Variants in CUL2 observed in about 807,000 individuals in gnomAD.
CUL2 encodes cullin-2.
Under a neutral mutation model 110.2 loss-of-function variants are expected in CUL2, and 22 were observed. The observed-to-expected ratio is 0.20, with a 90% CI of 0.14 to 0.28. The LOEUF is 0.28. CUL2 is among the 10% of genes least tolerant of loss of function. CUL2 has a pLI of 1.00. For synonymous variants in CUL2, 279 were observed against 293.2 expected, an observed-to-expected ratio of 0.95 and a Z score of 0.49; for missense variants, 631 against 905.5, an observed-to-expected ratio of 0.70 and a Z score of 3.89.
intron 3 of CUL2, among the ~76,000 whole-genome samples, chr10:35,061,777 T>G (rs899894253): frequency 6.6e-6 from 1 of 151,500 alleles, no homozygotes; most frequent in African/African-American, 2.4e-5. Context: ...GGGTTTTTTT[T>G]TTTTTTTTTT....
chr10:35,064,871 T>A (rs2086477506), intron 2 of CUL2, among the ~76,000 whole-genome samples: 1 of 152,130 alleles, frequency 6.6e-6, no homozygotes, highest in Admixed American at 6.5e-5. Context: ...AAACAAAATC[T>A]ACTGGAAGGA....
chr10:35,032,493 G>C lies in CUL2; in HGVS notation c.1112C>G (p.Ala371Gly), dbSNP rs2085502942. ...DQHFMSALDK[A>G]LTSVVNYREP... is the part of the protein sequence containing the mutation. ...TCTGTAATTTACAACTGACGTAAGG[G>C]CCTGAATAAAAAAACACGCCATAAT... The change falls in exon 12 of 21, where the codon GCC becomes GGC. Residue 371 changes from alanine (A) to glycine (G), a missense_variant and splice_region_variant. Around this residue, in one of 3 missense-constraint regions of CUL2, gnomAD observed 134 missense variants for 260.4 expected, o/e 0.51. Transcript: ENST00000374749. 6.3e-7 allele frequency: 1 copy of C among 1,583,642 alleles called. No individual in the cohort carries two copies. The highest frequency in any genetic ancestry group is 1.4e-5 in the African/African-American group (1 of 72,938).
Position 35,102,686 on chromosome 10 carries a change from C to T in CUL2, c.-50-1626G>A, listed in dbSNP as rs527911896. Among the ~76,000 whole-genome samples the T allele has an allele frequency of 1.6e-4, 24 of 152,164 alleles. No individual in the cohort carries two copies. The East Asian group carries it at 4.2e-3, about 27-fold the overall frequency. On this transcript the variant is annotated intron_variant, in intron 1 of 5. Coordinates refer to the CUL2 transcript ENST00000685421. ...GATCATGAGGTCAGGAGTTCAAGACCAGCCTGGCCAAGGTGGTGAAACCTT... is the reference window on the plus strand; with the variant it reads ...GATCATGAGGTCAGGAGTTCAAGACTAGCCTGGCCAAGGTGGTGAAACCTT...
intron 16 of CUL2, among the ~76,000 whole-genome samples, chr10:35,026,825 TA>T (rs1476866848): frequency 6.6e-6 from 1 of 152,148 alleles, no homozygotes; most frequent in East Asian, 1.9e-4. Flanking sequence ...AAACTTATTT[TA>T]TTTTTTTAAA....
At chr10:35,102,541 C>T (rs1053604144) in intron 1 of CUL2, among the ~76,000 whole-genome samples, 3 of 152,044 alleles carry the variant, frequency 2.0e-5, no homozygotes, top group Non-Finnish European at 4.4e-5. Context: ...CACTGCACTC[C>T]AGCCTGAGCA....
chr10:35,079,295 G>A (rs2086892234), intron 1 of CUL2, among the ~76,000 whole-genome samples: 1 of 152,216 alleles, frequency 6.6e-6, no homozygotes, highest in Admixed American at 6.5e-5. Context: ...TATGTAATGA[G>A]ATGAAGTGAG....
intron 11 of CUL2, 108 bp downstream of exon 11, chr10:35,033,058 T>A: frequency 4.1e-6 from 2 of 492,716 alleles, no homozygotes; most frequent in South Asian, 9.4e-5. Flanking sequence ...AATTACTTAA[T>A]CTCCATGTCT....
intron 1 of CUL2, among the ~76,000 whole-genome samples, chr10:35,083,561 G>A (rs72789687): frequency 0.29 from 44,526 of 152,018 alleles, 7,058 homozygotes; most frequent in South Asian, 0.35. Context: ...AATACAAGTT[G>A]AACCTAGAAC....
At chr10:35,013,587 C>A in intron 19 of CUL2, 112 bp downstream of exon 19, 1 of 640,630 alleles carries the variant, frequency 1.6e-6, no homozygotes, top group Non-Finnish European at 2.6e-6. Context: ...AAGACATATC[C>A]CATTATTAAT....
intron 5 of CUL2, among the ~76,000 whole-genome samples, chr10:35,051,304 G>C (rs1289579611): frequency 1.5e-5 from 2 of 136,100 alleles, no homozygotes; most frequent in African/African-American, 2.8e-5. Context: ...GACAGAGCGA[G>C]ACTCCGTCTC....
At chr10:35,041,323 A>T (rs2085781237) in intron 8 of CUL2, among the ~76,000 whole-genome samples, 1 of 152,188 alleles carries the variant, frequency 6.6e-6, no homozygotes, top group East Asian at 1.9e-4. Flanking sequence ...GCGCATATCA[A>T]GAGAAATGTA....
intron 1 of CUL2, chr10:35,079,542 TTAAC>T (rs1173075257): frequency 1.3e-5 from 2 of 152,648 alleles, no homozygotes; most frequent in African/African-American, 4.8e-5. Context: ...CTTTTCCAAA[TTAAC>T]TAAGCACTTA....
chr10:35,053,969 A>G (rs112144020), intron 5 of CUL2, among the ~76,000 whole-genome samples: 4,088 of 152,268 alleles, frequency 0.027, 181 homozygotes, highest in African/African-American at 0.09. Flanking sequence ...ATAATTTTCC[A>G]TATTTTAATT....
At chr10:35,076,462 A>C (rs986883053) in intron 1 of CUL2, among the ~76,000 whole-genome samples, 1 of 152,190 alleles carries the variant, frequency 6.6e-6, no homozygotes, top group African/African-American at 2.4e-5. Flanking sequence ...AAATCCTGCC[A>C]AAAATTTTAG....
chr10:35,071,939 T>C (rs1245758281), intron 1 of CUL2, among the ~76,000 whole-genome samples: 2 of 152,158 alleles, frequency 1.3e-5, no homozygotes, highest in Non-Finnish European at 2.9e-5. Context: ...TCATTTAATA[T>C]TGCGAGGGAA....
At position 35,010,325 on chromosome 10, in the gene CUL2, T is replaced by C; in HGVS notation, c.2224A>G (p.Ser742Gly). 6.2e-7 allele frequency: 1 copy of C among 1,610,384 alleles called. No homozygotes were observed. ...GGAGAGCGACATCACGCGACGTAGC[T>C]GTATTCATCTGCCGACGCCTGGCTG... ...ERSQASADEY[S>G]YVA The change falls in exon 21 of 21, where the codon AGC becomes GGC. Residue 742 changes from serine to glycine, a missense_variant. Physicochemically the swap from Ser to Gly is moderately conservative, Grantham distance 56. Coordinates refer to ENST00000374749, the MANE Select transcript of CUL2 (RefSeq NM_003591.4).
chr10:35,038,878 GGA>G, intron 9 of CUL2, 40 bp downstream of exon 9: 1 of 1,374,874 alleles, frequency 7.3e-7, no homozygotes, highest in Non-Finnish European at 1.0e-6. Flanking sequence ...TATAAAAGGT[GGA>G]TTTATAATTT....
chr10:35,078,544 C>T (rs534374418), intron 1 of CUL2, among the ~76,000 whole-genome samples: 46 of 151,926 alleles, frequency 3.0e-4, no homozygotes, highest in Non-Finnish European at 4.7e-4. Flanking sequence ...CAGGTGATCC[C>T]CCTGCCTCAA....
At chr10:35,086,080 A>G (rs2087057212) in intron 1 of CUL2, among the ~76,000 whole-genome samples, 1 of 152,000 alleles carries the variant, frequency 6.6e-6, no homozygotes, top group African/African-American at 2.4e-5. Flanking sequence ...CTAAAAATAC[A>G]AAAATTAGCT....
Sources: allele counts gnomAD v4.1 joint callset (sites outside exome capture counted in the v4.1 genomes callset), GRCh38; gene constraint gnomAD v4.1.1; regional missense constraint gnomAD v4.1.1; transcripts MANE v1.5; gene names NCBI Gene and HGNC (gene_info 2026-07-23, HGNC 2026-07-21).